The following ENAH variants were observed in gnomAD, a reference collection of about 807,000 sequenced individuals.
ENAH encodes protein enabled homolog.
ENAH carries 23 observed loss-of-function variants against 78.7 expected under a neutral mutation model. The ratio of observed to expected loss-of-function variants is 0.29; its 90% CI spans 0.21 to 0.41. The LOEUF is 0.41. Ranked by LOEUF, ENAH falls within the 10% of genes least tolerant of loss-of-function variation. The probability of loss-of-function intolerance (pLI) is 1.00; values close to 1 mark genes in which losing one functional copy is unlikely to be tolerated. For synonymous variants in ENAH, 226 were observed against 241.0 expected (o/e 0.94, Z 0.58); for missense variants, 544 against 691.0 (o/e 0.79, Z 2.39).
At chr1:225,592,254 C>G (rs1023422552) in intron 1 of ENAH, among the ~76,000 whole-genome samples, 1 of 152,166 alleles carries the variant, frequency 6.6e-6, no homozygotes, top group Non-Finnish European at 1.5e-5. Flanking sequence ...AACAAACAAT[C>G]CCAAAGACCC....
chr1:225,594,972 T>C (rs753025156), intron 1 of ENAH, among the ~76,000 whole-genome samples: 14 of 152,200 alleles, frequency 9.2e-5, no homozygotes, highest in African/African-American at 2.7e-4. Context: ...TATTTAATTG[T>C]AGCTTGGGAG....
At chr1:225,561,252 T>A (rs1214258304) in intron 2 of ENAH, among the ~76,000 whole-genome samples, 2 of 151,024 alleles carry the variant, frequency 1.3e-5, no homozygotes, top group Non-Finnish European at 3.0e-5. Context: ...AAATTTTTTT[T>A]AATCTGAATT....
At chr1:225,525,567 C>T (rs1397297919) in intron 4 of ENAH, among the ~76,000 whole-genome samples, 1 of 152,192 alleles carries the variant, frequency 6.6e-6, no homozygotes, top group Admixed American at 6.5e-5. Context: ...GCGCCCCCAA[C>T]CGGATGGGCT....
chr1:225,615,405 C>T (rs2097021546), intron 1 of ENAH, among the ~76,000 whole-genome samples: 1 of 152,210 alleles, frequency 6.6e-6, no homozygotes, highest in African/African-American at 2.4e-5. Context: ...ACCTCCACCT[C>T]CCAGCCGCCT....
At chr1:225,588,430 A>G (rs1460593470) in intron 1 of ENAH, among the ~76,000 whole-genome samples, 1 of 152,228 alleles carries the variant, frequency 6.6e-6, no homozygotes, top group East Asian at 1.9e-4. Flanking sequence ...ATGCCACTAC[A>G]TAACCAGCAG....
rs542791908 is a variant in ENAH, at chr1:225,495,851, T to G, written c.*1924A>C. The G allele has an allele frequency of 2.6e-5, 4 of 152,696 alleles. No homozygotes were observed. Among genetic ancestry groups the G allele is most frequent in the African/African-American group, 7.2e-5 (3 of 41,556 alleles). The allele number at this position is 152,696 out of a possible 1,614,324, so 9.5% of individuals were successfully genotyped here. A position where few individuals can be genotyped will look rare whatever the true frequency, so the allele number is the denominator to read the frequency against. ...CTGATAGAAAAAAGAAATGTATACT[T>G]GAATTATGATAGCTCATCCATCACA... On this transcript the variant is annotated 3_prime_UTR_variant, in exon 14 of 14. Transcript: ENST00000366843.
At chr1:225,617,590 G>A (rs1208488234) in intron 1 of ENAH, among the ~76,000 whole-genome samples, 3 of 152,134 alleles carry the variant, frequency 2.0e-5, no homozygotes, top group Non-Finnish European at 4.4e-5. Context: ...ACAGTGTGGT[G>A]ACAGGATGGC....
At chr1:225,590,713 C>T (rs1348419680) in intron 1 of ENAH, among the ~76,000 whole-genome samples, 1 of 152,106 alleles carries the variant, frequency 6.6e-6, no homozygotes, top group African/African-American at 2.4e-5. Flanking sequence ...CCAGCCCTGT[C>T]AATTCTACCA....
At chr1:225,580,822 C>T (rs978857964) in intron 1 of ENAH, among the ~76,000 whole-genome samples, 4 of 150,240 alleles carry the variant, frequency 2.7e-5, no homozygotes, top group African/African-American at 9.8e-5. Context: ...GAGGCTGAAG[C>T]CTGGGAGGGT....
chr1:225,640,538 T>C (rs2148440404), intron 1 of ENAH, among the ~76,000 whole-genome samples: 1 of 152,328 alleles, frequency 6.6e-6, no homozygotes, highest in Non-Finnish European at 1.5e-5. Flanking sequence ...GTTCAAAAGT[T>C]AACCATTACA....
intron 1 of ENAH, among the ~76,000 whole-genome samples, chr1:225,615,792 A>C (rs1221992792): frequency 6.6e-6 from 1 of 151,272 alleles, no homozygotes; most frequent in African/African-American, 2.4e-5. Flanking sequence ...AGAAGTGAGG[A>C]GCCCCTCTGC....
chr1:225,495,379 T>A lies in ENAH; in HGVS notation c.*2396A>T, dbSNP rs192508375. On this transcript the variant is annotated 3_prime_UTR_variant, in exon 14 of 14. Transcript: ENST00000366843. ...TGTCATGTATGATAGCAAATGTATATAATAATTCATTCAGACTTCTTGGAA... is the reference window on the plus strand; with the variant it reads ...TGTCATGTATGATAGCAAATGTATAAAATAATTCATTCAGACTTCTTGGAA... The A allele has an allele frequency of 6.6e-6, 1 of 151,894 alleles. No individual in the cohort carries two copies. Among genetic ancestry groups the A allele is most frequent in the African/African-American group, 2.4e-5 (1 of 41,252 alleles). The allele number at this position is 151,894 out of a possible 1,614,324, so 9.4% of individuals were successfully genotyped here. A position where few individuals can be genotyped will look rare whatever the true frequency, so the allele number is the denominator to read the frequency against.
intron 10 of ENAH, among the ~76,000 whole-genome samples, chr1:225,508,915 C>T (rs889094771): frequency 2.6e-5 from 4 of 152,140 alleles, no homozygotes; most frequent in Non-Finnish European, 1.5e-5. Context: ...GGTAGCTTAC[C>T]GTCTCTTCAA....
intron 7 of ENAH, among the ~76,000 whole-genome samples, chr1:225,513,921 G>A (rs2096396499): frequency 6.6e-6 from 1 of 151,956 alleles, no homozygotes; most frequent in Non-Finnish European, 1.5e-5. Context: ...CCTGGGAGGT[G>A]GAGGTTGCAG....
intron 1 of ENAH, among the ~76,000 whole-genome samples, chr1:225,624,396 GAC>G (rs1313690043): frequency 1.2e-4 from 19 of 152,200 alleles, no homozygotes; most frequent in Non-Finnish European, 2.4e-4. Context: ...GGCTGAGGCA[GAC>G]AGATCACTTG....
chr1:225,597,652 T>A (rs2096908418), intron 1 of ENAH, among the ~76,000 whole-genome samples: 3 of 95,534 alleles, frequency 3.1e-5, no homozygotes, highest in Admixed American at 2.6e-4. Context: ...TGCAAGAGCA[T>A]CTCAAAAAAA....
chr1:225,524,534 T>A (rs1185614108), intron 4 of ENAH: 2 of 871,494 alleles, frequency 2.3e-6, no homozygotes, highest in African/African-American at 3.6e-5. Context: ...AAAAAATGGA[T>A]AAAATGTAAT....
Position 225,497,654 on chromosome 1 carries a change from CTGTT to C in ENAH, c.*117_*120del. On this transcript the variant is annotated 3_prime_UTR_variant, in exon 14 of 14. Transcript: ENST00000366843. ...AGAGTAGGTTGGTTTTTCCCTCCTT[CTGTT>C]TGTCTCCATTTTCTTCTTACAGCTC... The C allele has an allele frequency of 1.0e-6, 1 of 953,482 alleles. No individual in the cohort carries two copies. Among genetic ancestry groups the C allele is most frequent in the East Asian group, 2.6e-5 (1 of 37,886 alleles). The allele number at this position is 953,482 out of a possible 1,614,324, so 59.1% of individuals were successfully genotyped here. A position where few individuals can be genotyped will look rare whatever the true frequency, so the allele number is the denominator to read the frequency against.
intron 11 of ENAH, chr1:225,505,190 TC>T: frequency 1.9e-6 from 1 of 533,452 alleles, no homozygotes; most frequent in Non-Finnish European, 3.2e-6. Context: ...AACCAATTTT[TC>T]CCCAATAAAA....
Sources: allele counts gnomAD v4.1 joint callset (sites outside exome capture counted in the v4.1 genomes callset), GRCh38; gene constraint gnomAD v4.1.1; transcripts MANE v1.5; gene names NCBI Gene and HGNC (gene_info 2026-07-23, HGNC 2026-07-21).